GRID2: variants seen among roughly 807,000 people sequenced by gnomAD.
GRID2 encodes the protein glutamate ionotropic receptor delta type subunit 2.
In GRID2, 33 loss-of-function variants were observed where a neutral mutation model predicts 114.8. That is an observed-to-expected ratio of 0.29 (90% CI 0.22 to 0.38). The LOEUF is 0.38. Ranked by LOEUF, GRID2 falls within the 10% of genes least tolerant of loss-of-function variation. The pLI is 1.00. For missense variants in GRID2, 1,184 were observed against 1,257.7 expected (o/e 0.94, Z 0.89); for synonymous variants, 505 against 449.9 (o/e 1.12, Z -1.55).
chr4:93,244,801 C>T (rs1748013519), intron 8 of GRID2, among the ~76,000 whole-genome samples: 1 of 151,502 alleles, frequency 6.6e-6, no homozygotes. Context: ...CACTTGTATT[C>T]AGCATTTTAT....
At chr4:93,157,435 A>G (rs1161599113) in intron 4 of GRID2, among the ~76,000 whole-genome samples, 1 of 151,734 alleles carries the variant, frequency 6.6e-6, no homozygotes, top group Non-Finnish European at 1.5e-5. Context: ...TCAACACTAT[A>G]TTGTGTAGTA....
chr4:92,600,040 GTGTGTATATATATATATATA>G (rs1469682866), intron 2 of GRID2, among the ~76,000 whole-genome samples: 10 of 70,724 alleles, frequency 1.4e-4, no homozygotes, highest in African/African-American at 5.7e-4. Context: ...GTGTGTGTGT[GTGTGTATATATATATATATA>G]TATATATATA....
At chr4:93,114,025 A>T (rs1055051853) in intron 4 of GRID2, among the ~76,000 whole-genome samples, 1 of 152,156 alleles carries the variant, frequency 6.6e-6, no homozygotes, top group Non-Finnish European at 1.5e-5. Context: ...TAAAAATCCC[A>T]TGAGACTGAT....
intron 8 of GRID2, among the ~76,000 whole-genome samples, chr4:93,363,836 A>T (rs1762095164): frequency 1.3e-5 from 2 of 151,776 alleles, no homozygotes; most frequent in African/African-American, 4.8e-5. Context: ...ATTAGTTAAT[A>T]GAAAATATAT....
At chr4:92,584,321 CT>C (rs1728321792) in intron 1 of GRID2, among the ~76,000 whole-genome samples, 1 of 151,652 alleles carries the variant, frequency 6.6e-6, no homozygotes, top group Admixed American at 6.6e-5. Flanking sequence ...AATCTCTTGA[CT>C]TGGATATATG....
intron 14 of GRID2, among the ~76,000 whole-genome samples, chr4:93,684,615 G>A (rs760678812): frequency 8.6e-5 from 13 of 151,974 alleles, no homozygotes; most frequent in Non-Finnish European, 1.6e-4. Context: ...AGCAGAGTGG[G>A]GCTCAATGGA....
chr4:93,682,790 G>T (rs1255278808), intron 14 of GRID2, among the ~76,000 whole-genome samples: 1 of 148,438 alleles, frequency 6.7e-6, no homozygotes, highest in Non-Finnish European at 1.5e-5. Flanking sequence ...GTGGGGTTGG[G>T]GGAGGGGGGA....
At chr4:93,141,775 A>G (rs1464041158) in intron 4 of GRID2, among the ~76,000 whole-genome samples, 1 of 152,220 alleles carries the variant, frequency 6.6e-6, no homozygotes, top group Admixed American at 6.5e-5. Flanking sequence ...CTGTCATAAC[A>G]GAAAATTGTG....
At chr4:92,778,000 T>G (rs2149356692) in intron 2 of GRID2, among the ~76,000 whole-genome samples, 1 of 152,238 alleles carries the variant, frequency 6.6e-6, no homozygotes, top group Non-Finnish European at 1.5e-5. Flanking sequence ...ATCAGTTTCC[T>G]TAATGGAAGA....
chr4:93,736,143 C>T (rs1396049905), intron 14 of GRID2, among the ~76,000 whole-genome samples: 2 of 151,934 alleles, frequency 1.3e-5, no homozygotes, highest in African/African-American at 4.8e-5. Flanking sequence ...AATTCCCTTC[C>T]TAAGAGATTT....
At chr4:92,906,118 T>C (rs944689056) in intron 2 of GRID2, among the ~76,000 whole-genome samples, 1 of 152,216 alleles carries the variant, frequency 6.6e-6, no homozygotes, top group South Asian at 2.1e-4. Flanking sequence ...GCAAATATTG[T>C]AGAAAAATAA....
intron 1 of GRID2, among the ~76,000 whole-genome samples, chr4:93,796,269 T>A (rs148507162): frequency 4.6e-5 from 7 of 150,636 alleles, no homozygotes; most frequent in Non-Finnish European, 8.9e-5. Context: ...AGATTGATAC[T>A]CCACTAGAGT....
At chr4:92,403,318 T>G (rs2110285036) in intron 1 of GRID2, among the ~76,000 whole-genome samples, 1 of 152,300 alleles carries the variant, frequency 6.6e-6, no homozygotes. Flanking sequence ...CTCAGGTGTT[T>G]GGTGCAAGAG....
intron 8 of GRID2, among the ~76,000 whole-genome samples, chr4:93,288,315 A>C (rs1448366133): frequency 1.2e-4 from 18 of 152,198 alleles, no homozygotes; most frequent in Admixed American, 1.2e-3. Flanking sequence ...TGCAATCAAA[A>C]TTATTATTAA....
At chr4:93,725,767 T>G (rs1160591552) in intron 14 of GRID2, among the ~76,000 whole-genome samples, 2 of 152,172 alleles carry the variant, frequency 1.3e-5, no homozygotes, top group East Asian at 3.8e-4. Flanking sequence ...GTCTTTTGAC[T>G]GCATAAATGT....
chr4:93,579,189 C>T (rs1736729473), intron 13 of GRID2, among the ~76,000 whole-genome samples: 1 of 152,048 alleles, frequency 6.6e-6, no homozygotes, highest in Non-Finnish European at 1.5e-5. Flanking sequence ...TGTGAACTGT[C>T]AGATTTGGAA....
intron 1 of GRID2, among the ~76,000 whole-genome samples, chr4:92,583,095 G>A (rs1728259278): frequency 6.6e-6 from 1 of 152,038 alleles, no homozygotes; most frequent in African/African-American, 2.4e-5. Context: ...GTTTTCAGAA[G>A]ATTGCTAAGA....
chr4:93,777,276 C>A (rs1054970487), downstream of GRID2, among the ~76,000 whole-genome samples: 4 of 152,204 alleles, frequency 2.6e-5, no homozygotes, highest in Non-Finnish European at 4.4e-5. Flanking sequence ...CATTTCTTCA[C>A]CTGAATTTTT....
intron 11 of GRID2, 77 bp from the exon 12 acceptor site, chr4:93,490,562 G>A (rs1217948509): frequency 2.9e-6 from 3 of 1,040,866 alleles, no homozygotes; most frequent in Non-Finnish European, 4.3e-6. Flanking sequence ...AGTTAATTTG[G>A]TGTTGAATAT....
Sources: gnomAD v4.1 joint callset for allele counts (sites outside exome capture counted in the v4.1 genomes callset) on GRCh38, gnomAD v4.1.1 for gene constraint, MANE v1.5 for transcripts, NCBI Gene and HGNC (gene_info 2026-07-23, HGNC 2026-07-21) for gene names.